The following TTYH3 variants were observed in gnomAD, a reference collection of about 807,000 sequenced individuals.
The protein encoded by TTYH3 is protein tweety homolog 3.
TTYH3 carries 23 observed loss-of-function variants against 68.2 expected under a neutral mutation model. That is an observed-to-expected ratio of 0.34 (90% CI 0.24 to 0.48). TTYH3 has a LOEUF of 0.48. Among genes scored for constraint, TTYH3 ranks in the 20% least tolerant of loss-of-function variants. The pLI is 0.99. For synonymous variants in TTYH3, 360 were observed against 332.8 expected, an observed-to-expected ratio of 1.08 and a Z score of -0.89; for missense variants, 768 against 727.7, an observed-to-expected ratio of 1.06 and a Z score of -0.64.
chr7:2,632,566 G>A (rs1481847193), intron 1 of TTYH3, among the ~76,000 whole-genome samples: 1 of 152,122 alleles, frequency 6.6e-6, no homozygotes, highest in African/African-American at 2.4e-5. Flanking sequence ...CTTCCCTTCT[G>A]GTGTCACTAA....
chr7:2,650,098 C>T, intron 7 of TTYH3, 110 bp downstream of exon 7: 2 of 1,081,170 alleles, frequency 1.8e-6, no homozygotes, highest in Non-Finnish European at 2.7e-6. Context: ...TCCATGGTCT[C>T]AGGGAGACAG....
intron 5 of TTYH3, 86 bp from the exon 6 acceptor site, chr7:2,649,481 G>C: frequency 1.5e-6 from 2 of 1,357,312 alleles, no homozygotes; most frequent in Non-Finnish European, 2.0e-6. Context: ...GATGTGCACT[G>C]GGACCTGCCT....
Position 2,641,803 on chromosome 7 carries a change from G to A in TTYH3, c.124-5050G>A, listed in dbSNP as rs113443802. 2.1e-3 allele frequency among the ~76,000 whole-genome samples: 321 copies of A among 152,242 alleles called. 3 individuals are homozygous for A. Among genetic ancestry groups the A allele is most frequent in the African/African-American group, 7.2e-3 (301 of 41,546 alleles). ...GCAGAGGCCAGGCTGGCCACGGCAC[G>A]CTCCCCGCAGACAGCTGGGCTCAGG... On this transcript the variant is annotated intron_variant, in intron 1 of 13. Transcript: ENST00000258796.
In TTYH3 at chr7:2,659,063, G is replaced by T. The variant is rs775875102; in HGVS notation, c.1500+48G>T. The T allele has an allele frequency of 3.2e-6, 5 of 1,577,742 alleles. No homozygotes were observed. The East Asian group carries it at 1.1e-4, about 35-fold the overall frequency. On this transcript the variant is annotated intron_variant, in intron 13 of 13. Coordinates refer to ENST00000258796, the MANE Select transcript of TTYH3 (RefSeq NM_025250.3). ...GGATGGGGGGCTGCTCAGCCTTGGG[G>T]GTCCGCTGTTCCACTGCGTCGGTGG...
chr7:2,635,807 T>G (rs1032386562), intron 1 of TTYH3, among the ~76,000 whole-genome samples: 3 of 152,232 alleles, frequency 2.0e-5, no homozygotes, highest in Non-Finnish European at 4.4e-5. Flanking sequence ...GAGCCTGGAA[T>G]GCCCAGATGT....
chr7:2,641,919 A>C (rs1004577157), intron 1 of TTYH3, among the ~76,000 whole-genome samples: 2 of 152,222 alleles, frequency 1.3e-5, no homozygotes, highest in African/African-American at 2.4e-5. Flanking sequence ...GCATGCTCGC[A>C]GTGGTGGGCT....
intron 9 of TTYH3, among the ~76,000 whole-genome samples, 197 bp from the exon 10 acceptor site, chr7:2,655,895 G>A (rs903399454): frequency 6.6e-6 from 1 of 152,196 alleles, no homozygotes; most frequent in Non-Finnish European, 1.5e-5. Flanking sequence ...CGGGTCTGAG[G>A]AGGGGCCTGG....
At chr7:2,659,614 G>C (rs1786435609) in intron 13 of TTYH3, among the ~76,000 whole-genome samples, 1 of 152,212 alleles carries the variant, frequency 6.6e-6, no homozygotes, top group Non-Finnish European at 1.5e-5. Context: ...CGAAGAGAAG[G>C]AGTTGGTGGC....
At position 2,660,091 on chromosome 7, in the gene TTYH3, C is replaced by T. The variant is rs193045203; in HGVS notation, c.1500+1076C>T. The T allele has an allele frequency of 2.2e-3, 2,827 of 1,281,570 alleles. 4 individuals are homozygous for T. The highest frequency in any genetic ancestry group is 2.6e-3 in the Admixed American group (112 of 42,356). 79.4% of individuals were successfully genotyped at this position (1,281,570 alleles called of 1,614,324 possible). ...CGCACGGCCACCCGCCTGCGCCTCCCGCCTCCACCCTGCACTCACTGCCGC... is the reference window on the plus strand; with the variant it reads ...CGCACGGCCACCCGCCTGCGCCTCCTGCCTCCACCCTGCACTCACTGCCGC... On this transcript the variant is annotated intron_variant, in intron 13 of 13. Transcript: ENST00000258796.
In TTYH3 at chr7:2,652,963, G is replaced by A. The variant is rs145817330; in HGVS notation, c.973G>A (p.Val325Met). Reference protein sequence around the residue: ...HKALVEMQDVVAELLRTVPWE... With the variant: ...HKALVEMQDVMAELLRTVPWE... Reference sequence around the variant, plus strand: ...GGCACTGGTGGAGATGCAGGATGTCGTGGCTGAGCTTCTGAGGACCGTCCC... The same window carrying A: ...GGCACTGGTGGAGATGCAGGATGTCATGGCTGAGCTTCTGAGGACCGTCCC... Residue 325 changes from valine to methionine, a missense_variant, in exon 9 of 14, where the codon GTG (valine) becomes ATG (methionine). Transcript: ENST00000258796. 3.0e-5 allele frequency: 47 copies of A among 1,576,460 alleles called. No homozygotes were observed. In the South Asian group the frequency reaches 3.5e-4, roughly 12 times the overall value.
intron 11 of TTYH3, among the ~76,000 whole-genome samples, chr7:2,656,949 G>T (rs1418162829): frequency 1.3e-5 from 2 of 152,384 alleles, no homozygotes; most frequent in Non-Finnish European, 1.5e-5. Context: ...GTGGTCCACT[G>T]TGCAGGCTTA....
chr7:2,659,109 C>T (rs1439868840), intron 13 of TTYH3, 94 bp downstream of exon 13: 1 of 1,287,016 alleles, frequency 7.8e-7, no homozygotes, highest in East Asian at 2.4e-5. Flanking sequence ...CATGTGCAGC[C>T]AGTGTGAGCT....
chr7:2,652,636 G>C (rs1480273755), intron 8 of TTYH3, among the ~76,000 whole-genome samples: 1 of 152,220 alleles, frequency 6.6e-6, no homozygotes, highest in Non-Finnish European at 1.5e-5. Flanking sequence ...GCCTGTCATT[G>C]TACCGGTAGC....
rs1050748319 is a variant in TTYH3, at chr7:2,661,901, A to G, written c.*162A>G. On this transcript the variant is annotated 3_prime_UTR_variant, in exon 14 of 14. Transcript: ENST00000258796. ...CCTCCTGTCCCCTCCCCGCAGGGGC[A>G]CAGTGGAGACGCAGGGGCTCTGGGC... The G allele has an allele frequency of 1.3e-5, 10 of 745,722 alleles. No individual in the cohort carries two copies. The highest frequency in any genetic ancestry group is 2.3e-5 in the Admixed American group (1 of 42,932). 46.2% of individuals were successfully genotyped at this position (745,722 alleles called of 1,614,324 possible). A position where few individuals can be genotyped will look rare whatever the true frequency, so the allele number is the denominator to read the frequency against.
chr7:2,645,278 G>T lies in TTYH3; in HGVS notation c.124-1575G>T, dbSNP rs1487723912. ...AGGGCTATGCTGAATCCAGGGACCT[G>T]GGGTTGCAGGGCCTGTGTGCTTTCT... On this transcript the variant is annotated intron_variant, in intron 1 of 13. Coordinates refer to ENST00000258796, the MANE Select transcript of TTYH3 (RefSeq NM_025250.3). This position sits in a 1 kb window ranked among gnomAD's most constrained non-coding sequence, Gnocchi z 4.8. Among the ~76,000 whole-genome samples, 2 of 152,244 alleles carry T rather than the reference G, an allele frequency of 1.3e-5. No homozygotes were observed. Among genetic ancestry groups the T allele is most frequent in the Non-Finnish European group, 2.9e-5 (2 of 68,032 alleles).
rs142924267 is a variant in TTYH3, at chr7:2,656,116, G to C, written c.1045G>C (p.Val349Leu). The C allele has an allele frequency of 3.8e-6, 6 of 1,563,764 alleles. No individual in the cohort carries two copies. Among genetic ancestry groups the C allele is most frequent in the Non-Finnish European group, 4.3e-6 (5 of 1,153,848 alleles). ...GGACCCCCTCCTCCGCGTCCAGGAGGTGCTGAATGGCACGGAGGTGAACCT... is the reference window on the plus strand; with the variant it reads ...GGACCCCCTCCTCCGCGTCCAGGAGCTGCTGAATGGCACGGAGGTGAACCT... ...TKDPLLRVQEVLNGTEVNLQH... is the reference protein window; with the variant it reads ...TKDPLLRVQELLNGTEVNLQH... The change falls in exon 10 of 14, where the codon GTG (valine) becomes CTG (leucine). Residue 349 changes from valine (V) to leucine (L), a missense_variant. Coordinates refer to ENST00000258796, the MANE Select transcript of TTYH3 (RefSeq NM_025250.3).
At chr7:2,659,954 C>T in intron 13 of TTYH3, 1 of 1,303,998 alleles carries the variant, frequency 7.7e-7, no homozygotes, top group Non-Finnish European at 1.0e-6. Context: ...ATCTGGCTGC[C>T]CTGGACTCTG....
At chr7:2,643,199 CA>C in intron 1 of TTYH3, among the ~76,000 whole-genome samples, 1 of 141,970 alleles carries the variant, frequency 7.0e-6, no homozygotes, top group East Asian at 2.2e-4. Context: ...ATTAAAAATA[CA>C]AAAAATTAGC....
intron 1 of TTYH3, among the ~76,000 whole-genome samples, chr7:2,636,143 C>T (rs927414357): frequency 6.6e-6 from 1 of 152,226 alleles, no homozygotes; most frequent in Non-Finnish European, 1.5e-5. Flanking sequence ...AGCACAACAC[C>T]TCTGTCTGTG....
Sources: gnomAD v4.1 joint callset for allele counts (sites outside exome capture counted in the v4.1 genomes callset) on GRCh38, gnomAD v4.1.1 for gene constraint, Gnocchi (gnomAD v3.1) non-coding constraint, MANE v1.5 for transcripts, NCBI Gene and HGNC (gene_info 2026-07-23, HGNC 2026-07-21) for gene names.